Variants in DCC observed in about 807,000 individuals in gnomAD.
DCC encodes the protein netrin receptor DCC.
In DCC, 58 loss-of-function variants were observed where a neutral mutation model predicts 172.5. The ratio of observed to expected loss-of-function variants is 0.34; its 90% CI spans 0.27 to 0.42. DCC has a LOEUF of 0.42. DCC is among the 10% of genes least tolerant of loss of function. The pLI, the probability that DCC is intolerant of heterozygous loss-of-function variation, is 1.00. For synonymous variants in DCC, 709 were observed against 644.5 expected, an observed-to-expected ratio of 1.10 and a Z score of -1.52; for missense variants, 1,740 against 1,791.0, an observed-to-expected ratio of 0.97 and a Z score of 0.51.
chr18:52,863,061 T>G (rs2039168982), intron 2 of DCC, among the ~76,000 whole-genome samples: 1 of 152,042 alleles, frequency 6.6e-6, no homozygotes, highest in Non-Finnish European at 1.5e-5. Context: ...TCTTACAATT[T>G]TTCCTATTTT....
intron 1 of DCC, among the ~76,000 whole-genome samples, chr18:52,530,413 T>C (rs531885525): frequency 2.0e-5 from 3 of 152,354 alleles, no homozygotes; most frequent in Admixed American, 1.3e-4. Flanking sequence ...ACCCTACTTT[T>C]ACACTTTCAA....
intron 1 of DCC, among the ~76,000 whole-genome samples, chr18:52,697,535 A>G (rs1568048129): frequency 6.6e-6 from 1 of 152,242 alleles, no homozygotes; most frequent in Non-Finnish European, 1.5e-5. Flanking sequence ...GAAAATAGTC[A>G]TTAAAAAGTA....
At chr18:52,667,985 C>T (rs921000602) in intron 1 of DCC, among the ~76,000 whole-genome samples, 4 of 151,718 alleles carry the variant, frequency 2.6e-5, no homozygotes, top group Admixed American at 1.3e-4. Flanking sequence ...CATTGAGGGG[C>T]GTCTTTTTAA....
chr18:53,326,880 T>C (rs534608062), intron 14 of DCC, among the ~76,000 whole-genome samples: 3 of 152,288 alleles, frequency 2.0e-5, no homozygotes, highest in Non-Finnish European at 4.4e-5. Context: ...GCTGAAGATA[T>C]CTGTGTTGGA....
At position 53,500,514 on chromosome 18, in the gene DCC, C is replaced by CT. The variant is rs2046083773; in HGVS notation, c.4111+1004_4111+1005insT. ...TAATTTATTTTGTTGCATTAGTACA[C>CT]AAGCCACATAATGACTGTAAAAGCT... On this transcript the variant is annotated intron_variant, in intron 27 of 28. Coordinates refer to ENST00000442544, the MANE Select transcript of DCC (RefSeq NM_005215.4). 2.6e-5 allele frequency among the ~76,000 whole-genome samples: 4 copies of CT among 151,926 alleles called. No individual in the cohort carries two copies. In the South Asian group the frequency reaches 8.3e-4, roughly 32 times the overall value.
chr18:52,628,974 C>A (rs1236138365), intron 1 of DCC, among the ~76,000 whole-genome samples: 3 of 152,134 alleles, frequency 2.0e-5, no homozygotes, highest in Non-Finnish European at 4.4e-5. Flanking sequence ...ATTTGTTACA[C>A]TCTCTGAAGC....
chr18:53,150,000 C>G (rs1198236939), intron 7 of DCC, among the ~76,000 whole-genome samples: 1 of 152,138 alleles, frequency 6.6e-6, no homozygotes, highest in Non-Finnish European at 1.5e-5. Flanking sequence ...TTAATGAAAG[C>G]ATTATTTCCC....
At chr18:52,920,973 C>G (rs1056746957) in intron 3 of DCC, among the ~76,000 whole-genome samples, 3 of 152,206 alleles carry the variant, frequency 2.0e-5, no homozygotes, top group South Asian at 2.1e-4. Context: ...GGAAAAGGTA[C>G]AACTATAGAA....
chr18:52,926,807 A>G lies in DCC; in HGVS notation c.985+1437A>G, dbSNP rs926289114. On this transcript the variant is annotated intron_variant, in intron 5 of 28. Coordinates refer to ENST00000442544, the MANE Select transcript of DCC (RefSeq NM_005215.4). The stretch of plus-strand genomic sequence containing the variant: ...TATATATATACACACACACATATAC[A>G]TATGTGTGTGTATATATACATATAC... Among the ~76,000 whole-genome samples the G allele has an allele frequency of 5.9e-4, 84 of 142,120 alleles. 3 individuals carry two copies. The highest frequency in any genetic ancestry group is 1.5e-4 in the Non-Finnish European group (10 of 64,768). 93.2% of individuals were successfully genotyped at this position (142,120 alleles called of 152,430 possible).
At chr18:52,842,129 A>G (rs2038817482) in intron 2 of DCC, among the ~76,000 whole-genome samples, 1 of 152,178 alleles carries the variant, frequency 6.6e-6, no homozygotes, top group African/African-American at 2.4e-5. Flanking sequence ...GAATGTGTAC[A>G]GTAACTGTTA....
intron 7 of DCC, among the ~76,000 whole-genome samples, chr18:53,149,342 T>C (rs1201276775): frequency 6.6e-6 from 1 of 152,154 alleles, no homozygotes; most frequent in African/African-American, 2.4e-5. Flanking sequence ...CACTTCTCAT[T>C]ATCACTTAAC....
At chr18:53,351,496 T>C (rs1223968629) in intron 15 of DCC, among the ~76,000 whole-genome samples, 1 of 28,168 alleles carries the variant, frequency 3.6e-5, no homozygotes, top group East Asian at 4.4e-4. Flanking sequence ...ATATAGTGTG[T>C]ATATATATAT....
At chr18:52,480,634 TAATA>T (rs1373278738) in intron 1 of DCC, among the ~76,000 whole-genome samples, 2 of 152,218 alleles carry the variant, frequency 1.3e-5, no homozygotes, top group Non-Finnish European at 2.9e-5. Flanking sequence ...ACGTTGTTCC[TAATA>T]AATACTCATA....
chr18:53,411,457 G>C lies in DCC; in HGVS notation c.3130+811G>C, dbSNP rs554569865. Among the ~76,000 whole-genome samples the C allele has an allele frequency of 2.6e-5, 4 of 152,202 alleles. No homozygotes were observed. The South Asian group carries it at 8.3e-4, about 32-fold the overall frequency. On this transcript the variant is annotated intron_variant, in intron 20 of 28. Coordinates refer to ENST00000442544, the MANE Select transcript of DCC (RefSeq NM_005215.4). ...GAAGGATAACTTAGCTCTTAAATCTGTGACCACATCATACCTCTATATCTG... is the reference window on the plus strand; with the variant it reads ...GAAGGATAACTTAGCTCTTAAATCTCTGACCACATCATACCTCTATATCTG...
chr18:53,139,069 A>G (rs1012338319), intron 7 of DCC, among the ~76,000 whole-genome samples: 6 of 152,098 alleles, frequency 3.9e-5, no homozygotes, highest in African/African-American at 1.4e-4. Context: ...GCACTATCCA[A>G]TGTCTCTCAT....
chr18:53,527,711 T>C, intron 28 of DCC, among the ~76,000 whole-genome samples: 1 of 151,718 alleles, frequency 6.6e-6, no homozygotes, highest in East Asian at 1.9e-4. Flanking sequence ...AAAAAAAACA[T>C]TTATCCCGAA....
intron 5 of DCC, among the ~76,000 whole-genome samples, chr18:53,012,646 T>A (rs1022069545): frequency 6.6e-6 from 1 of 152,080 alleles, no homozygotes; most frequent in Non-Finnish European, 1.5e-5. Context: ...GTGATACAGT[T>A]AAGATTTATA....
At chr18:53,001,827 T>C (rs904994724) in intron 5 of DCC, among the ~76,000 whole-genome samples, 9 of 152,110 alleles carry the variant, frequency 5.9e-5, no homozygotes, top group African/African-American at 2.2e-4. Flanking sequence ...GAGAAACTTA[T>C]CCTGGTCACC....
intron 1 of DCC, among the ~76,000 whole-genome samples, chr18:52,703,560 T>G (rs1269060257): frequency 6.6e-6 from 1 of 152,122 alleles, no homozygotes; most frequent in African/African-American, 2.4e-5. Context: ...AAGGCCAGAT[T>G]TGAACAGCGA....
Sources: gnomAD v4.1 joint callset for allele counts (sites outside exome capture counted in the v4.1 genomes callset) on GRCh38, gnomAD v4.1.1 for gene constraint, MANE v1.5 for transcripts, NCBI Gene and HGNC (gene_info 2026-07-23, HGNC 2026-07-21) for gene names.